The following TNR variants were observed in gnomAD, a reference collection of about 807,000 sequenced individuals.
The protein encoded by TNR is tenascin R, also known as tenascin-R.
In TNR, 45 loss-of-function variants were observed where a neutral mutation model predicts 150.4. The observed-to-expected ratio is 0.30, with a 90% CI of 0.24 to 0.38. The LOEUF (loss-of-function observed/expected upper bound fraction) is 0.38, where lower values mean the gene tolerates loss of function less well. Ranked by LOEUF, TNR falls within the 10% of genes least tolerant of loss-of-function variation. The pLI, the probability that TNR is intolerant of heterozygous loss-of-function variation, is 1.00. For synonymous variants in TNR, 687 were observed against 678.4 expected (o/e 1.01, Z -0.20); for missense variants, 1,544 against 1,759.1 (o/e 0.88, Z 2.19).
rs76192864 is a variant in TNR at position 175,570,162 on chromosome 1, G to A, written c.-164-41793C>T. Among the ~76,000 whole-genome samples, 394 of 152,184 alleles carry A rather than the reference G, an allele frequency of 2.6e-3. 7 individuals carry two copies. The East Asian group carries it at 0.057, about 22-fold the overall frequency. On this transcript the variant is annotated intron_variant, in intron 1 of 22. Coordinates refer to ENST00000367674, the MANE Select transcript of TNR (RefSeq NM_003285.3). Reference sequence around the variant, plus strand: ...CTTATACTCTGCTTCTTTCATCCCCGCTCCTTTTGTGTGGAGAAGACCAAA... The same window carrying A: ...CTTATACTCTGCTTCTTTCATCCCCACTCCTTTTGTGTGGAGAAGACCAAA...
At chr1:175,381,290 CA>C (rs1424714555) in intron 8 of TNR, among the ~76,000 whole-genome samples, 1 of 152,102 alleles carries the variant, frequency 6.6e-6, no homozygotes, top group Non-Finnish European at 1.5e-5. Context: ...TGAACTGGGG[CA>C]AAATTAATTT....
At chr1:175,545,812 G>A (rs6683510) in intron 1 of TNR, among the ~76,000 whole-genome samples, 16,352 of 152,274 alleles carry the variant, frequency 0.11, 1,163 homozygotes, top group Non-Finnish European at 0.17. Context: ...CAGAGAGCGG[G>A]TCCTTCACTA....
At position 175,622,378 on chromosome 1, in the gene TNR, C is replaced by G. The variant is rs188358506; in HGVS notation, c.-164-94009G>C. On this transcript the variant is annotated intron_variant, in intron 1 of 22. Coordinates refer to ENST00000367674, the MANE Select transcript of TNR (RefSeq NM_003285.3). ...TTTTGGAGAACTACCTCAACAGAAG[C>G]AGGTGACCTGGTCCCTCCTTCTTTT... Among the ~76,000 whole-genome samples, 6 of 152,360 alleles carry G rather than the reference C, an allele frequency of 3.9e-5. 1 individual carries two copies. Among genetic ancestry groups the G allele is most frequent in the Admixed American group, 3.9e-4 (6 of 15,306 alleles).
chr1:175,612,526 G>A (rs1056810247), intron 1 of TNR, among the ~76,000 whole-genome samples: 7 of 152,138 alleles, frequency 4.6e-5, no homozygotes, highest in East Asian at 1.9e-4. Flanking sequence ...GAAAGGCTGG[G>A]CCCACAGGCA....
At chr1:175,688,531 A>T (rs1666265982) in intron 1 of TNR, among the ~76,000 whole-genome samples, 1 of 152,110 alleles carries the variant, frequency 6.6e-6, no homozygotes, top group South Asian at 2.1e-4. Context: ...AATGCCACAG[A>T]CCCCAGTTTT....
intron 1 of TNR, among the ~76,000 whole-genome samples, chr1:175,666,271 C>A (rs1665530202): frequency 6.6e-6 from 1 of 152,326 alleles, no homozygotes; most frequent in East Asian, 1.9e-4. Context: ...GGCTTTATCT[C>A]TCTGGCCAAT....
In TNR at chr1:175,320,697, C is replaced by CGTGTGGGTGTGTGTGTGT; in HGVS notation, c.*2659_*2660insACACACACACACCCACAC. The CGTGTGGGTGTGTGTGTGT allele has an allele frequency of 6.8e-6, 1 of 146,428 alleles. No homozygotes were observed. The highest frequency in any genetic ancestry group is 2.5e-5 in the African/African-American group (1 of 39,218). 9.1% of individuals were successfully genotyped at this position (146,428 alleles called of 1,614,324 possible). On this transcript the variant is annotated 3_prime_UTR_variant, in exon 23 of 23. Coordinates refer to ENST00000367674, the MANE Select transcript of TNR (RefSeq NM_003285.3). ...GGCATGATCTTTTCTGCAGTATTTT[C>CGTGTGGGTGTGTGTGTGT]GTGTGTGTGTGTGTGTGTGTGTGTG... is the stretch of plus-strand genomic sequence containing the variant.
chr1:175,389,420 T>C (rs1369347482), intron 7 of TNR, among the ~76,000 whole-genome samples: 3 of 152,162 alleles, frequency 2.0e-5, no homozygotes, highest in Admixed American at 6.5e-5. Context: ...TCCAGTGAGG[T>C]CTTGTCCCAC....
chr1:175,341,002 T>C (rs1345504468), intron 18 of TNR, among the ~76,000 whole-genome samples: 1 of 151,992 alleles, frequency 6.6e-6, no homozygotes, highest in East Asian at 1.9e-4. Context: ...TAGCCTGGAG[T>C]CTAAGCTTTG....
In TNR at chr1:175,548,597, C is replaced by T. The variant is rs147236684; in HGVS notation, c.-164-20228G>A. On this transcript the variant is annotated intron_variant, in intron 1 of 22. Transcript: ENST00000367674. ...CAAATTGTGCATGACCTTTCTCTCC[C>T]CTCAGGGCCCCTCTTTCTGCTGGTT... is the stretch of plus-strand genomic sequence containing the variant. Among the ~76,000 whole-genome samples, 9 of 151,854 alleles carry T rather than the reference C, an allele frequency of 5.9e-5. No homozygotes were observed. The East Asian group carries it at 1.7e-3, about 29-fold the overall frequency.
chr1:175,549,476 C>T (rs1176900794), intron 1 of TNR, among the ~76,000 whole-genome samples: 1 of 152,180 alleles, frequency 6.6e-6, no homozygotes, highest in Non-Finnish European at 1.5e-5. Context: ...AGATTTCTCC[C>T]TTCCTGGTAC....
In TNR at chr1:175,732,058, A is replaced by G. The variant is rs372263168; in HGVS notation, c.-165+11168T>C. ...GCCTGGGCTGCCCCTGCATTGCCCC[A>G]TATCCCCACCAGCACTCCCTGCCTC... On this transcript the variant is annotated intron_variant, in intron 1 of 22. Transcript: ENST00000367674. Among the ~76,000 whole-genome samples the G allele has an allele frequency of 3.3e-5, 5 of 152,116 alleles. No homozygotes were observed. The East Asian group carries it at 7.7e-4, about 24-fold the overall frequency.
intron 2 of TNR, among the ~76,000 whole-genome samples, chr1:175,407,931 A>T (rs1654031873): frequency 6.6e-6 from 1 of 152,180 alleles, no homozygotes; most frequent in Admixed American, 6.5e-5. Context: ...TTTGATGGAA[A>T]CTGTGTAATT....
intron 18 of TNR, among the ~76,000 whole-genome samples, chr1:175,348,079 T>TA (rs1356184885): frequency 6.6e-6 from 1 of 152,168 alleles, no homozygotes; most frequent in South Asian, 2.1e-4. Flanking sequence ...TGGATTGATA[T>TA]AAAAAATTAA....
rs59315046 is a variant in TNR, at chr1:175,657,853, GTATA to G, written c.-165+85369_-165+85372del. On this transcript the variant is annotated intron_variant, in intron 1 of 22. Transcript: ENST00000367674. ...GGTGCAGCACACCAACATGGAACAT[GTATA>G]TATATATATATATATATATATATAT... 1.6e-3 allele frequency among the ~76,000 whole-genome samples: 111 copies of G among 70,456 alleles called. 5 individuals are homozygous for G. Among genetic ancestry groups the G allele is most frequent in the African/African-American group, 4.4e-3 (75 of 16,984 alleles). The allele number at this position is 70,456 out of a possible 152,430, so 46.2% of individuals were successfully genotyped here.
intron 13 of TNR, 33 bp downstream of exon 13, chr1:175,363,670 AATCCT>A: frequency 1.9e-6 from 3 of 1,604,172 alleles, no homozygotes; most frequent in Non-Finnish European, 2.6e-6. Context: ...TCTTCACCCA[AATCCT>A]AGTATCTTTG....
Position 175,321,719 on chromosome 1 carries a change from C to A in TNR, c.*1638G>T, listed in dbSNP as rs11802001. Reference sequence around the variant, plus strand: ...GCATCTCATAAAATGGGAAGTAGGCCCACAGTTATCACCTATTCACCTTTG... The same window carrying A: ...GCATCTCATAAAATGGGAAGTAGGCACACAGTTATCACCTATTCACCTTTG... On this transcript the variant is annotated 3_prime_UTR_variant, in exon 23 of 23. Transcript: ENST00000367674. 0.16 allele frequency: 23,914 copies of A among 152,038 alleles called. 2,043 individuals are homozygous for A. Among genetic ancestry groups the A allele is most frequent in the African/African-American group, 0.2 (8,202 of 41,434 alleles). The allele number at this position is 152,038 out of a possible 1,614,324, so 9.4% of individuals were successfully genotyped here.
intron 1 of TNR, among the ~76,000 whole-genome samples, chr1:175,600,421 T>G (rs2101846301): frequency 6.6e-6 from 1 of 152,358 alleles, no homozygotes; most frequent in Non-Finnish European, 1.5e-5. Context: ...TGTATGTTAC[T>G]CTTGGCTACC....
chr1:175,665,369 C>A (rs1160519493), intron 1 of TNR, among the ~76,000 whole-genome samples: 1 of 152,196 alleles, frequency 6.6e-6, no homozygotes, highest in Non-Finnish European at 1.5e-5. Flanking sequence ...GACTGGCTTC[C>A]AGGTGGTGAC....
Sources: allele counts gnomAD v4.1 joint callset (sites outside exome capture counted in the v4.1 genomes callset), GRCh38; gene constraint gnomAD v4.1.1; transcripts MANE v1.5; gene names NCBI Gene and HGNC (gene_info 2026-07-23, HGNC 2026-07-21).